Variants in CREBBP observed in about 807,000 individuals in gnomAD.
CREBBP encodes the protein CREB binding lysine acetyltransferase.
A neutral mutation model predicts 265.0 loss-of-function variants in CREBBP; 19 were observed. The observed-to-expected ratio is 0.07, with a 90% CI of 0.05 to 0.11. The LOEUF is 0.11. Among genes scored for constraint, CREBBP ranks in the 10% least tolerant of loss-of-function variants. The probability of loss-of-function intolerance (pLI) is 1.00; values close to 1 mark genes in which losing one functional copy is unlikely to be tolerated. For missense variants in CREBBP, 2,525 were observed against 3,219.0 expected, an observed-to-expected ratio of 0.78 and a Z score of 5.22; for synonymous variants, 1,457 against 1,223.7, an observed-to-expected ratio of 1.19 and a Z score of -3.98.
At chr16:3,819,945 C>A (rs2054110033) in intron 2 of CREBBP, among the ~76,000 whole-genome samples, 2 of 152,156 alleles carry the variant, frequency 1.3e-5, no homozygotes, top group Non-Finnish European at 2.9e-5. Context: ...GTGGCTTCAG[C>A]CTAACCTGAC....
At chr16:3,753,698 C>T (rs2052525245) in intron 19 of CREBBP, among the ~76,000 whole-genome samples, 1 of 152,118 alleles carries the variant, frequency 6.6e-6, no homozygotes, top group Non-Finnish European at 1.5e-5. Flanking sequence ...AGTACAGAAA[C>T]TATAAACCAA....
At chr16:3,732,697 C>T (rs762739260) in intron 28 of CREBBP, among the ~76,000 whole-genome samples, 4 of 151,844 alleles carry the variant, frequency 2.6e-5, no homozygotes, top group Non-Finnish European at 4.4e-5. Context: ...CCACCATGCC[C>T]GGCTACCTAT....
Position 3,729,022 on chromosome 16 carries a change from T to C in CREBBP, c.6025A>G (p.Ser2009Gly), listed in dbSNP as rs1367320646. ...SLNVPRPNQVSGPVMPSMPPG... is the reference protein window; with the variant it reads ...SLNVPRPNQVGGPVMPSMPPG... ...GGCATGCTGGGCATGACGGGCCCGCTCACCTGGTTGGGTCGGGGCACATTC... is the reference window on the plus strand; with the variant it reads ...GGCATGCTGGGCATGACGGGCCCGCCCACCTGGTTGGGTCGGGGCACATTC... Residue 2009 changes from serine (S) to glycine (G), a missense_variant, in exon 31 of 31, where the codon AGC becomes GGC. Ser to Gly is a moderately conservative substitution (Grantham distance 56, BLOSUM62 0). Transcript: ENST00000262367. 3 of 1,591,434 alleles carry C rather than the reference T, an allele frequency of 1.9e-6. No individual in the cohort carries two copies. Among genetic ancestry groups the C allele is most frequent in the Admixed American group, 1.7e-5 (1 of 58,230 alleles).
chr16:3,756,999 T>G (rs1005388220), intron 19 of CREBBP, among the ~76,000 whole-genome samples: 1 of 152,190 alleles, frequency 6.6e-6, no homozygotes, highest in South Asian at 2.1e-4. Flanking sequence ...TGGGCCTAAG[T>G]GACTAACAAG....
rs1597024555 is a variant in CREBBP at position 3,834,770 on chromosome 16, C to CTAA, written c.798+15526_798+15527insTTA. On this transcript the variant is annotated intron_variant, in intron 2 of 30. Transcript: ENST00000262367. ...GGGAGGATGTTGAAAATGGAGGAGA[C>CTAA]TATGAACTAGGAGAACAGGGAATAG... Among the ~76,000 whole-genome samples, 4 of 152,236 alleles carry CTAA rather than the reference C, an allele frequency of 2.6e-5. No homozygotes were observed. In the South Asian group the frequency reaches 8.3e-4, roughly 32 times the overall value.
intron 2 of CREBBP, among the ~76,000 whole-genome samples, chr16:3,833,706 C>T (rs1017282055): frequency 1.3e-5 from 2 of 152,098 alleles, no homozygotes; most frequent in African/African-American, 4.8e-5. Flanking sequence ...AGAAACTAAG[C>T]AACCTGACTT....
In CREBBP at chr16:3,835,795, T is replaced by C. The variant is rs185153555; in HGVS notation, c.798+14502A>G. Among the ~76,000 whole-genome samples the C allele has an allele frequency of 5.9e-3, 899 of 151,920 alleles. 7 individuals carry two copies. The Middle Eastern group carries it at 0.068, about 12-fold the overall frequency. On this transcript the variant is annotated intron_variant, in intron 2 of 30. Coordinates refer to ENST00000262367, the MANE Select transcript of CREBBP (RefSeq NM_004380.3). ...GGGGGTTTCACCACGTTAGCCAGGA[T>C]GGTCTCGATCTCCTGACCTTGTGAT...
chr16:3,834,165 T>C (rs941320067), intron 2 of CREBBP, among the ~76,000 whole-genome samples: 1 of 152,132 alleles, frequency 6.6e-6, no homozygotes, highest in South Asian at 2.1e-4. Context: ...TCATCACTGG[T>C]GGGAATGTAA....
chr16:3,870,985 G>C (rs895085832), intron 1 of CREBBP, among the ~76,000 whole-genome samples: 2 of 149,088 alleles, frequency 1.3e-5, no homozygotes, highest in African/African-American at 5.0e-5. Context: ...GACCCCATTG[G>C]AAAGAAGAAA....
intron 2 of CREBBP, among the ~76,000 whole-genome samples, chr16:3,817,450 C>G (rs2054060020): frequency 2.0e-5 from 3 of 151,962 alleles, no homozygotes; most frequent in South Asian, 4.2e-4. Context: ...ATTCTCTCCA[C>G]TCACTAACCA....
intron 1 of CREBBP, among the ~76,000 whole-genome samples, chr16:3,856,140 TTA>T (rs1230181746): frequency 1.3e-5 from 2 of 152,198 alleles, no homozygotes; most frequent in African/African-American, 2.4e-5. Context: ...ATTTTTTATT[TTA>T]TGTTTTAGAG....
In CREBBP at chr16:3,726,307, G is replaced by A. The variant is rs1025321267; in HGVS notation, c.*1411C>T. On this transcript the variant is annotated 3_prime_UTR_variant, in exon 31 of 31. Transcript: ENST00000262367. The stretch of plus-strand genomic sequence containing the variant: ...TGGGGGTGGCAGCTACGACGGACAG[G>A]GAGGATGGAGGAGTGGGCCAAATGC... 17 of 233,212 alleles carry A rather than the reference G, an allele frequency of 7.3e-5. No individual in the cohort carries two copies. Among genetic ancestry groups the A allele is most frequent in the Non-Finnish European group, 1.3e-4 (15 of 118,104 alleles). The allele number at this position is 233,212 out of a possible 1,614,324, so 14.4% of individuals were successfully genotyped here. A position where few individuals can be genotyped will look rare whatever the true frequency, so the allele number is the denominator to read the frequency against.
chr16:3,789,621 C>A (rs1482480767), intron 5 of CREBBP, among the ~76,000 whole-genome samples: 1 of 152,008 alleles, frequency 6.6e-6, no homozygotes, highest in Non-Finnish European at 1.5e-5. Flanking sequence ...AGTTCACACA[C>A]GATAAGCATA....
At chr16:3,833,713 A>C (rs1225380252) in intron 2 of CREBBP, among the ~76,000 whole-genome samples, 4 of 152,194 alleles carry the variant, frequency 2.6e-5, no homozygotes, top group Non-Finnish European at 5.9e-5. Context: ...AAGCAACCTG[A>C]CTTTAATACT....
At chr16:3,826,544 CGTG>C (rs1202107147) in intron 2 of CREBBP, among the ~76,000 whole-genome samples, 2 of 152,066 alleles carry the variant, frequency 1.3e-5, no homozygotes, top group Non-Finnish European at 2.9e-5. Context: ...CTCAAAGTGA[CGTG>C]GTAAAAATGG....
chr16:3,739,825 C>A, intron 24 of CREBBP, 101 bp from the exon 25 acceptor site: 1 of 1,543,162 alleles, frequency 6.5e-7, no homozygotes, highest in Non-Finnish European at 8.9e-7. Context: ...TGCAGATGAG[C>A]GGAGGCATGG....
chr16:3,771,874 G>A (rs1303540264), intron 13 of CREBBP, among the ~76,000 whole-genome samples: 2 of 149,392 alleles, frequency 1.3e-5, no homozygotes, highest in African/African-American at 2.5e-5. Flanking sequence ...GCAATGGCAT[G>A]ATCTTGGCTC....
chr16:3,746,414 G>C (rs146512650), intron 21 of CREBBP, among the ~76,000 whole-genome samples: 105 of 152,010 alleles, frequency 6.9e-4, no homozygotes, highest in African/African-American at 2.5e-3. Context: ...CTCTCTGACA[G>C]CCCGGCTCTG....
chr16:3,839,139 AAAAACT>A (rs1282262081), intron 2 of CREBBP, among the ~76,000 whole-genome samples: 1 of 152,248 alleles, frequency 6.6e-6, no homozygotes, highest in African/African-American at 2.4e-5. Context: ...TAAAAGCCAA[AAAAACT>A]AAAACCCAGA....
Sources: gnomAD v4.1 joint callset for allele counts (sites outside exome capture counted in the v4.1 genomes callset) on GRCh38, gnomAD v4.1.1 for gene constraint, MANE v1.5 for transcripts, NCBI Gene and HGNC (gene_info 2026-07-23, HGNC 2026-07-21) for gene names.